Variants in KIF15 observed in about 807,000 individuals in gnomAD.
KIF15 encodes the protein kinesin-like protein KIF15.
In KIF15, 140 loss-of-function variants were observed where a neutral mutation model predicts 190.6. The ratio of observed to expected loss-of-function variants is 0.73; its 90% confidence interval spans 0.64 to 0.84. KIF15 has a LOEUF of 0.84. Ranked by LOEUF, KIF15 falls within the 40% of genes least tolerant of loss-of-function variation. The probability of loss-of-function intolerance (pLI) is 0.00; values close to 1 mark genes in which losing one functional copy is unlikely to be tolerated. For synonymous variants in KIF15, 528 were observed against 551.3 expected, an observed-to-expected ratio of 0.96 and a Z score of 0.59; for missense variants, 1,372 against 1,584.4, an observed-to-expected ratio of 0.87 and a Z score of 2.28.
intron 20 of KIF15, among the ~76,000 whole-genome samples, chr3:44,816,416 C>T (rs1371027405): frequency 6.6e-6 from 1 of 151,102 alleles, no homozygotes; most frequent in African/African-American, 2.4e-5. Context: ...TGACAGGCCC[C>T]AGTGTGATGT....
chr3:44,768,811 C>T (rs1230967557), intron 1 of KIF15, among the ~76,000 whole-genome samples: 1 of 152,134 alleles, frequency 6.6e-6, no homozygotes, highest in African/African-American at 2.4e-5. Context: ...GGACCATTAT[C>T]TGAGGCTCCA....
chr3:44,854,930 A>G (rs1699171280), downstream of KIF15, among the ~76,000 whole-genome samples: 2 of 152,200 alleles, frequency 1.3e-5, no homozygotes, highest in African/African-American at 4.8e-5. Context: ...CTATTTCCAA[A>G]TAAAGTCATA....
chr3:44,800,180 T>C (rs916047925), intron 10 of KIF15, 134 bp from the exon 11 acceptor site: 2 of 748,706 alleles, frequency 2.7e-6, no homozygotes, highest in Admixed American at 5.8e-5. Context: ...GATTCCTGTG[T>C]CCTTTTGACT....
At chr3:44,866,508 G>A (rs982362795) in intron 6 of KIF15, among the ~76,000 whole-genome samples, 2 of 152,158 alleles carry the variant, frequency 1.3e-5, no homozygotes, top group Non-Finnish European at 2.9e-5. Flanking sequence ...TGGGGTGTCC[G>A]AGGGCCCTCT....
At chr3:44,794,107 C>G (rs1436393754) in intron 7 of KIF15, 110 bp from the exon 8 acceptor site, 8 of 819,492 alleles carry the variant, frequency 9.8e-6, no homozygotes, top group Non-Finnish European at 1.4e-5. Flanking sequence ...TCTTGAATTC[C>G]TATCCACAAG....
chr3:44,769,183 A>G lies in KIF15; in HGVS notation c.20-5212A>G, dbSNP rs1265431736. On this transcript the variant is annotated intron_variant, in intron 1 of 34. Transcript: ENST00000326047. ...AGGAGACACAATTACCTATCTGTGA[A>G]GAGAGGACACAAGGGGAAAAGGAAA... 1.3e-5 allele frequency among the ~76,000 whole-genome samples: 2 copies of G among 152,172 alleles called. 1 individual carries two copies. Among genetic ancestry groups the G allele is most frequent in the Non-Finnish European group, 2.9e-5 (2 of 68,032 alleles).
intron 26 of KIF15, among the ~76,000 whole-genome samples, chr3:44,836,451 T>C (rs1259461170): frequency 6.6e-6 from 1 of 152,138 alleles, no homozygotes; most frequent in Non-Finnish European, 1.5e-5. Context: ...AATATCTTGA[T>C]ATAAAGATTA....
At chr3:44,787,902 T>C (rs1007251496) in intron 7 of KIF15, among the ~76,000 whole-genome samples, 3 of 152,132 alleles carry the variant, frequency 2.0e-5, no homozygotes, top group Non-Finnish European at 2.9e-5. Flanking sequence ...TCACCCAGGC[T>C]GGAGTGCAGT....
intron 14 of KIF15, 130 bp from the exon 15 acceptor site, chr3:44,804,897 C>A: frequency 2.2e-6 from 2 of 907,636 alleles, no homozygotes; most frequent in Middle Eastern, 3.6e-4. Context: ...TCACTTGAGA[C>A]CAGAATTTGG....
chr3:44,811,647 A>C (rs184187681), intron 17 of KIF15, among the ~76,000 whole-genome samples: 1 of 152,108 alleles, frequency 6.6e-6, no homozygotes, highest in African/African-American at 2.4e-5. Flanking sequence ...CTCTGTCTCA[A>C]AAAAAAAGAA....
intron 4 of KIF15, 86 bp downstream of exon 4, chr3:44,778,277 G>T: frequency 9.6e-7 from 1 of 1,041,068 alleles, no homozygotes; most frequent in Non-Finnish European, 1.5e-6. Context: ...CAAACGTAGT[G>T]GCTTAAAACA....
At chr3:44,824,825 A>T (rs891000317) in intron 20 of KIF15, among the ~76,000 whole-genome samples, 2 of 152,182 alleles carry the variant, frequency 1.3e-5, no homozygotes, top group African/African-American at 2.4e-5. Flanking sequence ...AGTGGCATAA[A>T]CACGGCTTAC....
intron 16 of KIF15, 112 bp downstream of exon 16, chr3:44,806,098 A>G (rs1575618047): frequency 1.2e-5 from 14 of 1,182,440 alleles, no homozygotes; most frequent in Admixed American, 2.4e-5. Context: ...CCATGCAGGT[A>G]ATTAACACCG....
At chr3:44,821,168 G>A (rs1206923397) in intron 20 of KIF15, among the ~76,000 whole-genome samples, 9 of 146,102 alleles carry the variant, frequency 6.2e-5, no homozygotes, top group South Asian at 2.2e-4. Context: ...GCAGCTGGCC[G>A]GGCAGAGGGG....
At chr3:44,822,250 T>C (rs970949001) in intron 20 of KIF15, among the ~76,000 whole-genome samples, 6 of 152,232 alleles carry the variant, frequency 3.9e-5, no homozygotes, top group Admixed American at 6.5e-5. Context: ...ATTTTATTTC[T>C]CCTTCACTTA....
At chr3:44,767,894 C>CAA (rs1181321859) in intron 1 of KIF15, among the ~76,000 whole-genome samples, 450 of 37,024 alleles carry the variant, frequency 0.012, 11 homozygotes, top group African/African-American at 0.04. Flanking sequence ...GACTCCATCT[C>CAA]AAAAAAAAAA....
chr3:44,826,265 C>G, intron 21 of KIF15, 76 bp downstream of exon 21: 5 of 1,556,088 alleles, frequency 3.2e-6, no homozygotes, highest in Non-Finnish European at 4.3e-6. Flanking sequence ...GTCCTTTCCT[C>G]CTTCTTTGCT....
chr3:44,840,629 A>G (rs1368464870), intron 28 of KIF15, among the ~76,000 whole-genome samples, 173 bp downstream of exon 28: 1 of 151,342 alleles, frequency 6.6e-6, no homozygotes, highest in Non-Finnish European at 1.5e-5. Context: ...CTTGGAAAAG[A>G]ATTAGAATAA....
chr3:44,819,691 C>T lies in KIF15; in HGVS notation c.2549+4615C>T, dbSNP rs531030742. 3.2e-3 allele frequency among the ~76,000 whole-genome samples: 493 copies of T among 152,060 alleles called. 6 individuals are homozygous for T. Among genetic ancestry groups the T allele is most frequent in the African/African-American group, 0.011 (468 of 41,494 alleles). ...TATGTGGTCAATTTTGGAATAAGTG[C>T]GATGTGGTGCTGAGAAGAATGTATA... On this transcript the variant is annotated intron_variant, in intron 20 of 34. Coordinates refer to ENST00000326047, the MANE Select transcript of KIF15 (RefSeq NM_020242.3).
Sources: gnomAD v4.1 joint callset for allele counts (sites outside exome capture counted in the v4.1 genomes callset) on GRCh38, gnomAD v4.1.1 for gene constraint, MANE v1.5 for transcripts, NCBI Gene and HGNC (gene_info 2026-07-23, HGNC 2026-07-21) for gene names.